CASK: variants seen among roughly 807,000 people sequenced by gnomAD.
CASK encodes peripheral plasma membrane protein CASK.
Under a neutral mutation model 82.9 loss-of-function variants are expected in CASK, and 4 were observed. The observed-to-expected ratio is 0.05, with a 90% CI of 0.02 to 0.11. The LOEUF (loss-of-function observed/expected upper bound fraction) is 0.11. CASK is among the 10% of genes least tolerant of loss of function. CASK has a pLI of 1.00. For missense variants in CASK, 358 were observed against 720.9 expected (o/e 0.50, Z 5.76); for synonymous variants, 259 against 253.5 (o/e 1.02, Z -0.20).
intron 5 of CASK, chrX:41,695,601 A>C (rs1193971402): frequency 2.0e-6 from 2 of 1,015,911 alleles, no homozygotes; most frequent in Non-Finnish European, 2.7e-6. Context: ...TATGTCATTT[A>C]GCACTTTCAC....
chrX:41,857,868 G>A (rs985074596), intron 1 of CASK, among the ~76,000 whole-genome samples: 19 of 111,761 alleles, frequency 1.7e-4, no homozygotes, highest in African/African-American at 6.2e-4. Flanking sequence ...GATGTGCAGC[G>A]AGGAAGGATG....
chrX:41,832,028 C>A (rs1416005303), intron 2 of CASK, among the ~76,000 whole-genome samples: 4 of 108,939 alleles, frequency 3.7e-5, no homozygotes, highest in Non-Finnish European at 7.6e-5. Context: ...TTAAAAAACA[C>A]GAAACCTAAA....
intron 5 of CASK, among the ~76,000 whole-genome samples, chrX:41,715,201 C>CACAT (rs1434673667): frequency 1.8e-5 from 2 of 112,441 alleles, no homozygotes. Context: ...GTGGCCTGGC[C>CACAT]ACATGGTCAG....
chrX:41,542,867 G>C, intron 21 of CASK, 61 bp from the exon 22 acceptor site: 1 of 698,513 alleles, frequency 1.4e-6, no homozygotes, highest in Non-Finnish European at 2.2e-6. Context: ...TGATAAAATA[G>C]AAGAGTCATC....
chrX:41,632,826 C>A (rs2066491553), intron 9 of CASK, among the ~76,000 whole-genome samples: 1 of 110,217 alleles, frequency 9.1e-6, no homozygotes, highest in Non-Finnish European at 1.9e-5. Context: ...GCGGGCGGAT[C>A]ACTTGAGGTC....
At position 41,530,361 on chromosome X, in the gene CASK, C is replaced by T. The variant is rs141346289; in HGVS notation, c.2520+646G>A. Among the ~76,000 whole-genome samples, 401 of 112,288 alleles carry T rather than the reference C, an allele frequency of 3.6e-3. 2 individuals carry two copies. Among genetic ancestry groups the T allele is most frequent in the African/African-American group, 0.013 (389 of 30,928 alleles). ...TCCTACTGCAAGACATATCTAGAAA[C>T]CATTTCATCATCTCTGTGTCTGGCT... On this transcript the variant is annotated intron_variant, in intron 25 of 26. Coordinates refer to ENST00000378163, the MANE Select transcript of CASK (RefSeq NM_001367721.1).
chrX:41,855,909 C>A (rs1396607373), intron 1 of CASK, among the ~76,000 whole-genome samples: 2 of 112,170 alleles, frequency 1.8e-5, no homozygotes, highest in African/African-American at 6.5e-5. Flanking sequence ...CAAGGTTCTA[C>A]TTGAGGCAGA....
At chrX:41,725,700 C>T (rs1293789069) in intron 5 of CASK, among the ~76,000 whole-genome samples, 10 of 111,447 alleles carry the variant, frequency 9.0e-5, no homozygotes, top group Non-Finnish European at 1.7e-4. Flanking sequence ...CCCTTTGAAG[C>T]GAGAAAGATT....
At chrX:41,641,255 A>T (rs1226882401) in intron 8 of CASK, among the ~76,000 whole-genome samples, 1 of 111,566 alleles carries the variant, frequency 9.0e-6, no homozygotes, top group Non-Finnish European at 1.9e-5. Context: ...TGTAATATGA[A>T]TTCAGAAAAA....
At chrX:41,774,835 T>C (rs1483528972) in intron 3 of CASK, among the ~76,000 whole-genome samples, 2 of 111,227 alleles carry the variant, frequency 1.8e-5, no homozygotes, top group Non-Finnish European at 3.8e-5. Flanking sequence ...TAGCCATATA[T>C]AGAAAGCTGA....
intron 3 of CASK, among the ~76,000 whole-genome samples, chrX:41,769,004 G>A (rs1464084471): frequency 9.0e-6 from 1 of 110,753 alleles, no homozygotes; most frequent in Non-Finnish European, 1.9e-5. Flanking sequence ...TGTAAACATA[G>A]ATACATTTAT....
intron 1 of CASK, among the ~76,000 whole-genome samples, chrX:41,896,400 C>G (rs909019967): frequency 3.6e-5 from 4 of 111,537 alleles, no homozygotes; most frequent in Non-Finnish European, 7.6e-5. Flanking sequence ...AGCTAAAAAA[C>G]AGGAAAAAAG....
At chrX:41,904,454 T>C (rs758975083) in intron 1 of CASK, among the ~76,000 whole-genome samples, 12 of 112,265 alleles carry the variant, frequency 1.1e-4, no homozygotes, top group Non-Finnish European at 2.1e-4. Context: ...TATTTAAGAA[T>C]GTGACAAAAG....
intron 22 of CASK, among the ~76,000 whole-genome samples, chrX:41,535,510 T>C (rs923405449): frequency 1.8e-5 from 2 of 109,852 alleles, no homozygotes; most frequent in African/African-American, 6.6e-5. Context: ...GAAGGTGGCA[T>C]GCTAGATTCT....
intron 8 of CASK, among the ~76,000 whole-genome samples, chrX:41,639,246 G>C (rs927527117): frequency 9.2e-6 from 1 of 108,821 alleles, no homozygotes; most frequent in Non-Finnish European, 1.9e-5. Context: ...GCTAATTTTT[G>C]TATTTTTAGT....
chrX:41,763,531 C>T (rs972217575), intron 3 of CASK, among the ~76,000 whole-genome samples: 3 of 110,344 alleles, frequency 2.7e-5, no homozygotes, highest in African/African-American at 9.9e-5. Context: ...CGTGTGGTAG[C>T]GTGCACCTGT....
chrX:41,872,331 G>A (rs1010014096), intron 1 of CASK, among the ~76,000 whole-genome samples: 6 of 111,701 alleles, frequency 5.4e-5, no homozygotes, highest in African/African-American at 2.0e-4. Flanking sequence ...CTTCAATTCT[G>A]CTTCAAGTGA....
chrX:41,541,091 A>C (rs944177870), intron 22 of CASK, among the ~76,000 whole-genome samples: 2 of 112,612 alleles, frequency 1.8e-5, no homozygotes, highest in African/African-American at 6.4e-5. Context: ...ATGTCAACAC[A>C]TCTCCTTGTG....
chrX:41,520,311 C>T lies in CASK; in HGVS notation c.*109G>A, dbSNP rs1467255859. 5.7e-6 allele frequency: 3 copies of T among 528,902 alleles called. No individual in the cohort carries two copies. The highest frequency in any genetic ancestry group is 9.4e-6 in the Non-Finnish European group (3 of 320,565). 43.6% of individuals were successfully genotyped at this position (528,902 alleles called of 1,213,427 possible). ...ATAATTATAAATGTAGGTCACACTA[C>T]AACTAGGTAGTCTCTAGGGACCATG... On this transcript the variant is annotated 3_prime_UTR_variant, in exon 27 of 27. Transcript: ENST00000378163.
Sources: allele counts gnomAD v4.1 joint callset (sites outside exome capture counted in the v4.1 genomes callset), GRCh38; gene constraint gnomAD v4.1.1; transcripts MANE v1.5; gene names NCBI Gene and HGNC (gene_info 2026-07-23, HGNC 2026-07-21).